Variants in GDF10 observed in about 807,000 individuals in gnomAD.
GDF10 encodes growth/differentiation factor 10.
Under a neutral mutation model 32.1 loss-of-function variants are expected in GDF10, and 23 were observed. That is an observed-to-expected ratio of 0.72 (90% CI 0.52 to 1.02). The LOEUF (loss-of-function observed/expected upper bound fraction) is 1.02. GDF10 is among the 50% of genes least tolerant of loss of function. The probability of loss-of-function intolerance (pLI) is 0.00; values close to 1 mark genes in which losing one functional copy is unlikely to be tolerated. For synonymous variants in GDF10, 328 were observed against 303.1 expected, an observed-to-expected ratio of 1.08 and a Z score of -0.85; for missense variants, 764 against 673.9, an observed-to-expected ratio of 1.13 and a Z score of -1.48.
intron 1 of GDF10, among the ~76,000 whole-genome samples, chr10:47,304,625 C>T (rs2132221795): frequency 6.6e-6 from 1 of 152,224 alleles, no homozygotes; most frequent in South Asian, 2.1e-4. Context: ...TCTCCACTAT[C>T]TATATCTCCA....
chr10:47,300,664 C>G lies in GDF10; in HGVS notation c.13C>G (p.Pro5Ala), dbSNP rs1555206727. ...CCCTCACCACGCCATGGCTCATGTC[C>G]CCGCTCGGACCAGCCCGGGACCCGG... Reference protein sequence around the residue: MAHVPARTSPGPGPQ... With the variant: MAHVAARTSPGPGPQ... The change falls in exon 1 of 3, where the codon CCC becomes GCC. Residue 5 changes from proline to alanine, a missense_variant. Physicochemically the swap from Pro to Ala is conservative, Grantham distance 27. Coordinates refer to ENST00000580279, the MANE Select transcript of GDF10 (RefSeq NM_004962.5). 6.3e-7 allele frequency: 1 copy of G among 1,599,068 alleles called. No individual in the cohort carries two copies. The highest frequency in any genetic ancestry group is 1.1e-5 in the South Asian group (1 of 89,738).
intron 1 of GDF10, among the ~76,000 whole-genome samples, chr10:47,305,058 T>C (rs2061018335): frequency 6.6e-6 from 1 of 152,184 alleles, no homozygotes; most frequent in Non-Finnish European, 1.5e-5. Flanking sequence ...TCAGGATGGT[T>C]GTGTAGAAAC....
chr10:47,307,081 G>C (rs1555207230), intron 1 of GDF10, among the ~76,000 whole-genome samples: 1 of 152,092 alleles, frequency 6.6e-6, no homozygotes, highest in African/African-American at 2.4e-5. Context: ...GGGTGTCATT[G>C]CCATTACCAG....
chr10:47,310,094 C>A lies in GDF10; in HGVS notation c.618C>A (p.Ile206=), dbSNP rs1555207510. The A allele has an allele frequency of 1.8e-5, 29 of 1,608,518 alleles. No individual in the cohort carries two copies. Among genetic ancestry groups the A allele is most frequent in the Non-Finnish European group, 2.1e-5 (25 of 1,178,814 alleles). The part of the protein sequence containing the change: ...PPRGLWQAKD[I]SPIVKAARRD... ...GCGGCCTGTGGCAGGCCAAGGACAT[C>A]TCCCCCATCGTCAAGGCGGCCCGCC... Residue 206 remains isoleucine (I), a synonymous_variant, in exon 2 of 3, where the codon ATC becomes ATA. Coordinates refer to ENST00000580279, the MANE Select transcript of GDF10 (RefSeq NM_004962.5).
At chr10:47,304,429 A>C (rs12413900) in intron 1 of GDF10, among the ~76,000 whole-genome samples, 2 of 124,642 alleles carry the variant, frequency 1.6e-5, no homozygotes, top group Non-Finnish European at 3.4e-5. Flanking sequence ...ACTGCAGGGA[A>C]AAAGAGGGAT....
Position 47,309,880 on chromosome 10 carries a change from T to C in GDF10, c.404T>C (p.Phe135Ser), listed in dbSNP as rs1399574455. The stretch of plus-strand genomic sequence containing the variant: ...ATGATCCTTACGGCCACTTTCCACT[T>C]CTACTCAGAGCCGCCTCGGTGGCCT... Reference protein sequence around the residue: ...SEMILTATFHFYSEPPRWPRA... With the variant: ...SEMILTATFHSYSEPPRWPRA... The change falls in exon 2 of 3, where the codon TTC becomes TCC. Residue 135 changes from phenylalanine to serine, a missense_variant. Transcript: ENST00000580279. 6.2e-7 allele frequency: 1 copy of C among 1,613,078 alleles called. No individual in the cohort carries two copies. Among genetic ancestry groups the C allele is most frequent in the Non-Finnish European group, 8.5e-7 (1 of 1,179,924 alleles).
At chr10:47,303,585 T>C (rs1232827514) in intron 1 of GDF10, among the ~76,000 whole-genome samples, 23 of 152,232 alleles carry the variant, frequency 1.5e-4, no homozygotes, top group Admixed American at 1.5e-3. Context: ...GTATTAGCTC[T>C]TGCTGTTGAT....
intron 1 of GDF10, 149 bp from the exon 2 acceptor site, chr10:47,309,647 G>A: frequency 1.6e-6 from 1 of 622,974 alleles, no homozygotes; most frequent in Non-Finnish European, 2.9e-6. Context: ...TTCATGTGAG[G>A]ATTACACGAA....
chr10:47,308,828 C>T (rs536357731), intron 1 of GDF10, among the ~76,000 whole-genome samples: 4 of 152,296 alleles, frequency 2.6e-5, no homozygotes, highest in Admixed American at 2.0e-4. Flanking sequence ...AAGCCTAGAG[C>T]GGACTTGGCC....
chr10:47,311,791 A>G (rs1555207806), intron 2 of GDF10, among the ~76,000 whole-genome samples: 1 of 152,182 alleles, frequency 6.6e-6, no homozygotes. Flanking sequence ...ACCAGCCAGA[A>G]CGCTGCAAAG....
rs1555207948 is a variant in GDF10, at chr10:47,313,336, A to G, written c.*544A>G. Reference sequence around the variant, plus strand: ...TATTGGTTTCTTTTTCTTAATATATATATTTTATTTTAAAACAACAAAAAG... The same window carrying G: ...TATTGGTTTCTTTTTCTTAATATATGTATTTTATTTTAAAACAACAAAAAG... On this transcript the variant is annotated 3_prime_UTR_variant, in exon 3 of 3. Coordinates refer to ENST00000580279, the MANE Select transcript of GDF10 (RefSeq NM_004962.5). 1.3e-5 allele frequency: 2 copies of G among 152,160 alleles called. No individual in the cohort carries two copies. Among genetic ancestry groups the G allele is most frequent in the African/African-American group, 4.8e-5 (2 of 41,404 alleles). 9.4% of individuals were successfully genotyped at this position (152,160 alleles called of 1,614,324 possible).
chr10:47,301,479 T>G (rs1347240590), intron 1 of GDF10, among the ~76,000 whole-genome samples: 4 of 149,136 alleles, frequency 2.7e-5, no homozygotes, highest in Non-Finnish European at 5.9e-5. Flanking sequence ...ATTGAGGACT[T>G]CCACGGACTG....
At position 47,312,805 on chromosome 10, in the gene GDF10, G is replaced by T. The variant is rs1555207909; in HGVS notation, c.*13G>T. 1 of 1,521,884 alleles carries T rather than the reference G, an allele frequency of 6.6e-7. No homozygotes were observed. Among genetic ancestry groups the T allele is most frequent in the Admixed American group, 2.0e-5 (1 of 49,858 alleles). 94.3% of individuals were successfully genotyped at this position (1,521,884 alleles called of 1,614,324 possible). On this transcript the variant is annotated 3_prime_UTR_variant, in exon 3 of 3. Coordinates refer to ENST00000580279, the MANE Select transcript of GDF10 (RefSeq NM_004962.5). The stretch of plus-strand genomic sequence containing the variant: ...TGCCTGCCGGTGAGACCACTCCAGG[G>T]TGGAAAGAAGCCACGCCCAGCAGAG...
chr10:47,311,671 G>A (rs958347360), intron 2 of GDF10, among the ~76,000 whole-genome samples: 1 of 152,222 alleles, frequency 6.6e-6, no homozygotes, highest in Non-Finnish European at 1.5e-5. Flanking sequence ...TGCTAAAAGG[G>A]CCTAGCAAAG....
rs1222435821 is a variant in GDF10, at chr10:47,312,939, A to G, written c.*147A>G. The G allele has an allele frequency of 2.2e-5, 11 of 496,878 alleles. No homozygotes were observed. Among genetic ancestry groups the G allele is most frequent in the Non-Finnish European group, 3.5e-5 (10 of 282,658 alleles). 30.8% of individuals were successfully genotyped at this position (496,878 alleles called of 1,614,324 possible). The stretch of plus-strand genomic sequence containing the variant: ...CCCAGAGAGAGCTGTCCGCCAGTGC[A>G]TCATTAGGGGGTCTTTCATTGCTAG... On this transcript the variant is annotated 3_prime_UTR_variant, in exon 3 of 3. Coordinates refer to ENST00000580279, the MANE Select transcript of GDF10 (RefSeq NM_004962.5).
At chr10:47,306,507 A>G (rs2061023407) in intron 1 of GDF10, among the ~76,000 whole-genome samples, 2 of 152,340 alleles carry the variant, frequency 1.3e-5, no homozygotes, top group East Asian at 1.9e-4. Context: ...CTGAGCTCCA[A>G]CTGTCACCTA....
At position 47,309,923 on chromosome 10, in the gene GDF10, A is replaced by C; in HGVS notation, c.447A>C (p.Leu149=). 1.9e-6 allele frequency: 3 copies of C among 1,612,772 alleles called. No individual in the cohort carries two copies. Among genetic ancestry groups the C allele is most frequent in the Non-Finnish European group, 2.5e-6 (3 of 1,179,858 alleles). ...PPRWPRALEV[L]CKPRAKNASG... ...GGTGGCCTCGAGCGCTCGAGGTGCT[A>C]TGCAAGCCGCGGGCCAAGAACGCTT... The change falls in exon 2 of 3, where the codon CTA becomes CTC. Residue 149 remains leucine, a synonymous_variant. Transcript: ENST00000580279.
rs2061037808 is a variant in GDF10, at chr10:47,309,969, G to C, written c.493G>C (p.Gly165Arg). The change falls in exon 2 of 3, where the codon GGC becomes CGC. Residue 165 changes from glycine (G) to arginine (R), a missense_variant. By Grantham distance (125) the Gly-to-Arg change is moderately radical (BLOSUM62 -2). Transcript: ENST00000580279. Reference sequence around the variant, plus strand: ...CGCTTCAGGCCGCCCGCTGCCCCTGGGCCCGCCCACACGCCAGCACCTGCT... The same window carrying C: ...CGCTTCAGGCCGCCCGCTGCCCCTGCGCCCGCCCACACGCCAGCACCTGCT... ...KNASGRPLPL[G>R]PPTRQHLLFR... 6 of 1,611,722 alleles carry C rather than the reference G, an allele frequency of 3.7e-6. No individual in the cohort carries two copies. Among genetic ancestry groups the C allele is most frequent in the Middle Eastern group, 3.3e-4 (2 of 6,072 alleles).
Position 47,300,729 on chromosome 10 carries a change from G to C in GDF10, c.78G>C (p.Leu26=). The change falls in exon 1 of 3, where the codon CTG becomes CTC. Residue 26 remains leucine, a synonymous_variant. Coordinates refer to ENST00000580279, the MANE Select transcript of GDF10 (RefSeq NM_004962.5). The part of the protein sequence containing the change: ...LLLLLLPLFL[L]LLRDVAGSHR... ...TGCTGCTGCTGCCGTTGTTTCTGCT[G>C]TTGCTCCGGGATGTGGCCGGCAGCC... 6.3e-7 allele frequency: 1 copy of C among 1,579,298 alleles called. No homozygotes were observed. The highest frequency in any genetic ancestry group is 8.6e-7 in the Non-Finnish European group (1 of 1,166,282).
Sources: allele counts gnomAD v4.1 joint callset (sites outside exome capture counted in the v4.1 genomes callset), GRCh38; gene constraint gnomAD v4.1.1; transcripts MANE v1.5; gene names NCBI Gene and HGNC (gene_info 2026-07-23, HGNC 2026-07-21).